EYA3: variants seen among roughly 807,000 people sequenced by gnomAD.
The protein encoded by EYA3 is protein phosphatase EYA3.
A neutral mutation model predicts 80.0 loss-of-function variants in EYA3; 39 were observed. That is an observed-to-expected ratio of 0.49 (90% CI 0.38 to 0.64). The LOEUF (loss-of-function observed/expected upper bound fraction) is 0.64, where lower values mean the gene tolerates loss of function less well. EYA3 is among the 30% of genes least tolerant of loss of function. The pLI is 0.00. For synonymous variants in EYA3, 206 were observed against 232.8 expected (o/e 0.88, Z 1.05); for missense variants, 523 against 676.1 (o/e 0.77, Z 2.51).
Position 28,027,830 on chromosome 1 carries a change from G to C in EYA3, c.458C>G (p.Thr153Arg), listed in dbSNP as rs766340505. ...SVLTCTTGLT[T>R]SQPSPAHYSY... ...ATAATGTGCTGGGCTTGGCTGGCTT[G>C]TGGTTAACCCTGTAGTGCAGGTAAG... Residue 153 changes from threonine to arginine, a missense_variant, in exon 7 of 18, where the codon ACA becomes AGA. By Grantham distance (71) the Thr-to-Arg change is moderately conservative. Around this residue, in one of 2 missense-constraint regions of EYA3, gnomAD observed 304 missense variants for 343.3 expected, o/e 0.89. Coordinates refer to ENST00000373871, the MANE Select transcript of EYA3 (RefSeq NM_001990.4). 1.2e-6 allele frequency: 2 copies of C among 1,614,160 alleles called. No individual in the cohort carries two copies. Among genetic ancestry groups the C allele is most frequent in the Non-Finnish European group, 1.7e-6 (2 of 1,180,012 alleles).
chr1:28,048,460 C>T lies in EYA3; in HGVS notation c.34-34G>A, dbSNP rs1024181968. 7 of 1,566,640 alleles carry T rather than the reference C, an allele frequency of 4.5e-6. 1 individual carries two copies. Among genetic ancestry groups the T allele is most frequent in the Middle Eastern group, 3.4e-4 (2 of 5,888 alleles). On this transcript the variant is annotated intron_variant, in intron 2 of 17. Coordinates refer to ENST00000373871, the MANE Select transcript of EYA3 (RefSeq NM_001990.4). ...ATAAATATACAAAGGTATCAATGTA[C>T]TTGATCTGTTTTTTAAATCATTTAG...
At position 28,013,301 on chromosome 1, in the gene EYA3, G is replaced by A. The variant is rs1425202303; in HGVS notation, c.586-7C>T. 1 of 1,595,040 alleles carries A rather than the reference G, an allele frequency of 6.3e-7. No homozygotes were observed. Among genetic ancestry groups the A allele is most frequent in the Non-Finnish European group, 8.5e-7 (1 of 1,170,726 alleles). On this transcript the variant is annotated splice_region_variant and splice_polypyrimidine_tract_variant and intron_variant, in intron 8 of 17. Transcript: ENST00000373871. The surrounding 1 kb of genome is among the most constrained non-coding windows in gnomAD (Gnocchi z 4.0). ...TAGTATAGGTGGGATAATCCTGCAGGCCAAAGGAAATAAGAAAACAAGACT... is the reference window on the plus strand; with the variant it reads ...TAGTATAGGTGGGATAATCCTGCAGACCAAAGGAAATAAGAAAACAAGACT...
chr1:28,065,041 C>G (rs1644782168), intron 1 of EYA3, among the ~76,000 whole-genome samples: 1 of 152,220 alleles, frequency 6.6e-6, no homozygotes, highest in Admixed American at 6.5e-5. Context: ...GTAGTCTCCC[C>G]TTCCAAGGGG....
rs1296764362 is a variant in EYA3, at chr1:28,033,665, TA to T, written c.361+1878del. Among the ~76,000 whole-genome samples the T allele has an allele frequency of 4.8e-3, 714 of 148,116 alleles. 8 individuals carry two copies. Among genetic ancestry groups the T allele is most frequent in the African/African-American group, 0.016 (627 of 40,376 alleles). On this transcript the variant is annotated intron_variant, in intron 6 of 17. Coordinates refer to ENST00000373871, the MANE Select transcript of EYA3 (RefSeq NM_001990.4). ...GTATTATTATTATTATTATTATTAT[TA>T]TTATTTTTGAGACAGTCTTGCTCTG...
At chr1:27,977,368 C>T in intron 17 of EYA3, 1 of 1,550,360 alleles carries the variant, frequency 6.5e-7, no homozygotes, top group African/African-American at 1.4e-5. Context: ...CCCAATGCCT[C>T]CATGTCTAAG....
At chr1:28,063,300 TATA>T (rs1442707264) in intron 1 of EYA3, among the ~76,000 whole-genome samples, 118 of 124,758 alleles carry the variant, frequency 9.5e-4, no homozygotes, top group East Asian at 2.6e-3. Context: ...CTTATATATA[TATA>T]TATTTTTTTT....
chr1:28,066,943 A>G (rs1298920928), intron 1 of EYA3, among the ~76,000 whole-genome samples: 1 of 152,162 alleles, frequency 6.6e-6, no homozygotes. Flanking sequence ...CTGTCTCACT[A>G]CTAATTGGAG....
chr1:28,011,182 A>G, intron 9 of EYA3, 96 bp from the exon 10 acceptor site: 1 of 1,318,770 alleles, frequency 7.6e-7, no homozygotes, highest in South Asian at 1.4e-5. Flanking sequence ...CTTGTGAGTC[A>G]TAATGCAGGG....
At chr1:28,031,692 T>C (rs1436573136) in intron 6 of EYA3, among the ~76,000 whole-genome samples, 1 of 152,190 alleles carries the variant, frequency 6.6e-6, no homozygotes, top group African/African-American at 2.4e-5. Flanking sequence ...AAAAAGCACA[T>C]GAAAGGATAT....
chr1:27,999,899 C>T, intron 12 of EYA3, 61 bp downstream of exon 12: 2 of 1,266,232 alleles, frequency 1.6e-6, no homozygotes, highest in South Asian at 1.4e-5. Context: ...TAAGCAAAAG[C>T]TCTAAATAGT....
intron 10 of EYA3, chr1:28,010,730 A>G: frequency 3.9e-6 from 2 of 508,360 alleles, no homozygotes; most frequent in Non-Finnish European, 6.8e-6. Context: ...CTGCTTTCTG[A>G]ATATGATGAA....
intron 5 of EYA3, among the ~76,000 whole-genome samples, chr1:28,038,095 C>G (rs1157879704): frequency 1.3e-5 from 2 of 152,024 alleles, no homozygotes; most frequent in Non-Finnish European, 2.9e-5. Context: ...ACTAACCCAC[C>G]AAACCTGTCT....
chr1:28,048,525 GTTTAAT>G, intron 2 of EYA3, 99 bp from the exon 3 acceptor site: 2 of 774,372 alleles, frequency 2.6e-6, no homozygotes, highest in Non-Finnish European at 4.1e-6. Context: ...CAGGATAACT[GTTTAAT>G]TTTGTTTAGT....
At chr1:27,981,012 C>T (rs975432119) in intron 16 of EYA3, among the ~76,000 whole-genome samples, 3 of 152,154 alleles carry the variant, frequency 2.0e-5, no homozygotes, top group Admixed American at 1.3e-4. Flanking sequence ...CACTGCACTC[C>T]AGCCTAGGTA....
chr1:28,006,938 T>TTC (rs1266428388), intron 10 of EYA3, among the ~76,000 whole-genome samples: 6 of 85,982 alleles, frequency 7.0e-5, no homozygotes, highest in African/African-American at 2.2e-4. Context: ...CATAATCTTT[T>TTC]TTTTTTTTTT....
intron 5 of EYA3, among the ~76,000 whole-genome samples, chr1:28,036,641 T>A (rs1474604879): frequency 6.6e-6 from 1 of 152,138 alleles, no homozygotes; most frequent in Admixed American, 6.5e-5. Context: ...TGCCACCATA[T>A]CAGGGATAGC....
chr1:27,994,385 C>A (rs1640280528), intron 13 of EYA3, among the ~76,000 whole-genome samples: 1 of 152,146 alleles, frequency 6.6e-6, no homozygotes. Flanking sequence ...TTGATTTCAA[C>A]CCCAGAAACT....
At chr1:27,974,792 C>A (rs988888095) in intron 17 of EYA3, among the ~76,000 whole-genome samples, 1 of 152,108 alleles carries the variant, frequency 6.6e-6, no homozygotes, top group African/African-American at 2.4e-5. Flanking sequence ...GAGAGATTAC[C>A]TGTTCTAGCT....
At chr1:27,976,898 A>G in intron 17 of EYA3, 1 of 374,800 alleles carries the variant, frequency 2.7e-6, no homozygotes, top group Non-Finnish European at 3.7e-6. Context: ...TTATATTTTT[A>G]GTAGAGACGG....
Sources: gnomAD v4.1 joint callset for allele counts (sites outside exome capture counted in the v4.1 genomes callset) on GRCh38, gnomAD v4.1.1 for gene constraint, gnomAD v4.1.1 regional missense constraint, Gnocchi (gnomAD v3.1) non-coding constraint, MANE v1.5 for transcripts, NCBI Gene and HGNC (gene_info 2026-07-23, HGNC 2026-07-21) for gene names.